The following ANOS1 variants were observed in gnomAD, a reference collection of about 807,000 sequenced individuals.
ANOS1 encodes the protein anosmin 1.
In ANOS1, 6 loss-of-function variants were observed where a neutral mutation model predicts 59.0. The ratio of observed to expected loss-of-function variants is 0.10; its 90% confidence interval spans 0.06 to 0.20. The LOEUF is 0.20. Ranked by LOEUF, ANOS1 falls within the 10% of genes least tolerant of loss-of-function variation. ANOS1 has a pLI of 1.00. For missense variants in ANOS1, 433 were observed against 542.3 expected, an observed-to-expected ratio of 0.80 and a Z score of 2.00; for synonymous variants, 217 against 223.4, an observed-to-expected ratio of 0.97 and a Z score of 0.25.
At chrX:8,660,704 A>G (rs16985091) in intron 2 of ANOS1, among the ~76,000 whole-genome samples, 4,769 of 112,006 alleles carry the variant, frequency 0.043, 269 homozygotes, top group African/African-American at 0.15. Context: ...ACTCTGCTTC[A>G]TGCTTCCTAT....
chrX:8,573,164 A>G (rs995394730), intron 6 of ANOS1, among the ~76,000 whole-genome samples: 2 of 107,768 alleles, frequency 1.9e-5, no homozygotes, highest in Non-Finnish European at 3.8e-5. Context: ...GCCTAGTTTA[A>G]GAGATTCTCC....
intron 2 of ANOS1, among the ~76,000 whole-genome samples, chrX:8,635,618 CTCTG>C (rs1931560683): frequency 1.8e-5 from 2 of 111,826 alleles, no homozygotes; most frequent in South Asian, 7.4e-4. Flanking sequence ...ACAGCCTTTT[CTCTG>C]GGAAAATAAA....
chrX:8,721,441 T>C (rs970063420), intron 1 of ANOS1, among the ~76,000 whole-genome samples: 6 of 112,014 alleles, frequency 5.4e-5, no homozygotes, highest in African/African-American at 1.9e-4. Flanking sequence ...ACAGAGTAGT[T>C]GTGATGGTCA....
rs752166176 is a variant in ANOS1 at position 8,597,170 on chromosome X, C to T, written c.405G>A (p.Pro135=). 1.4e-5 allele frequency: 17 copies of T among 1,209,767 alleles called. No homozygotes were observed. The highest frequency in any genetic ancestry group is 3.5e-5 in the African/African-American group (2 of 57,132). Residue 135 remains proline, a synonymous_variant, in exon 4 of 14, where the codon CCG becomes CCA. Coordinates refer to ENST00000262648, the MANE Select transcript of ANOS1 (RefSeq NM_000216.4). ...CAAATCCACTGGCTTTCTCAGGAGCCGGACAGTCCCCCTGCTTCACCAACA... is the reference window on the plus strand; with the variant it reads ...CAAATCCACTGGCTTTCTCAGGAGCTGGACAGTCCCCCTGCTTCACCAACA... The part of the protein sequence containing the change: ...YILLVKQGDC[P]APEKASGFAA...
At chrX:8,655,043 T>G in intron 2 of ANOS1, among the ~76,000 whole-genome samples, 1 of 109,870 alleles carries the variant, frequency 9.1e-6, no homozygotes, top group South Asian at 3.9e-4. Context: ...TGGAATATAT[T>G]TTTTTTTTCC....
intron 2 of ANOS1, among the ~76,000 whole-genome samples, chrX:8,664,087 G>A (rs1317347487): frequency 8.9e-6 from 1 of 111,887 alleles, no homozygotes; most frequent in Non-Finnish European, 1.9e-5. Context: ...AATAGCTAAT[G>A]CATAGGTGAT....
chrX:8,613,384 AT>A (rs777165693), intron 3 of ANOS1, among the ~76,000 whole-genome samples: 58 of 107,931 alleles, frequency 5.4e-4, no homozygotes, highest in Non-Finnish European at 8.8e-4. Context: ...TGTTTGGCTG[AT>A]TTTTTTTATT....
At chrX:8,619,589 C>G (rs561771035) in intron 3 of ANOS1, among the ~76,000 whole-genome samples, 2 of 111,127 alleles carry the variant, frequency 1.8e-5, no homozygotes, top group South Asian at 7.5e-4. Context: ...GGCAACAGAG[C>G]AAGACTCCGT....
At chrX:8,659,584 GCCTTCCTTCCTTCCTTCCTT>G (rs201790891) in intron 2 of ANOS1, among the ~76,000 whole-genome samples, 30 of 57,687 alleles carry the variant, frequency 5.2e-4, no homozygotes, top group African/African-American at 1.7e-3. Flanking sequence ...TTGCTTGCTT[GCCTTCCTTCCTTCCTTCCTT>G]CCTTCCTTCC....
rs1057182003 is a variant in ANOS1 at position 8,632,304 on chromosome X, T to G, written c.256-8634A>C. 2.7e-5 allele frequency among the ~76,000 whole-genome samples: 3 copies of G among 112,300 alleles called. No individual in the cohort carries two copies. The Admixed American group carries it at 2.8e-4, about 11-fold the overall frequency. ...TGATACATAAAACAGTGAAAAAATA[T>G]TTGCTCAGGTGGACTTTTTTCAAAT... On this transcript the variant is annotated intron_variant, in intron 2 of 13. Transcript: ENST00000262648.
intron 2 of ANOS1, among the ~76,000 whole-genome samples, chrX:8,669,998 G>A (rs943423386): frequency 8.9e-6 from 1 of 111,850 alleles, no homozygotes; most frequent in Non-Finnish European, 1.9e-5. Flanking sequence ...TTGCCCAATA[G>A]ATAAACGATG....
At chrX:8,619,536 A>G (rs970680441) in intron 3 of ANOS1, among the ~76,000 whole-genome samples, 2 of 111,693 alleles carry the variant, frequency 1.8e-5, no homozygotes, top group Non-Finnish European at 3.8e-5. Flanking sequence ...CCTGGGAGGC[A>G]GAGGTTGCAG....
At chrX:8,575,945 A>AAAAAAT (rs945754339) in intron 6 of ANOS1, among the ~76,000 whole-genome samples, 2 of 110,833 alleles carry the variant, frequency 1.8e-5, no homozygotes, top group African/African-American at 6.6e-5. Flanking sequence ...CTCTACAGAA[A>AAAAAAT]AAAAAATTTT....
intron 2 of ANOS1, among the ~76,000 whole-genome samples, chrX:8,699,300 C>A (rs1025496716): frequency 2.7e-5 from 3 of 111,615 alleles, no homozygotes; most frequent in African/African-American, 9.7e-5. Context: ...TACAAAGAAA[C>A]CAAAATACAT....
chrX:8,664,826 C>T (rs765607290), intron 2 of ANOS1, among the ~76,000 whole-genome samples: 3 of 111,825 alleles, frequency 2.7e-5, no homozygotes, highest in African/African-American at 9.7e-5. Flanking sequence ...TCTCTGCCTC[C>T]ATCACAGGCT....
intron 2 of ANOS1, among the ~76,000 whole-genome samples, chrX:8,657,641 G>GTAT (rs1931956168): frequency 9.1e-6 from 1 of 109,473 alleles, no homozygotes; most frequent in South Asian, 4.0e-4. Context: ...ACAGATTTTT[G>GTAT]TATTTTTAGT....
chrX:8,659,966 A>G (rs1195222598), intron 2 of ANOS1, among the ~76,000 whole-genome samples: 1 of 111,528 alleles, frequency 9.0e-6, no homozygotes, highest in East Asian at 2.8e-4. Context: ...AGCAAAAAAG[A>G]GAGTAGATGG....
Position 8,713,876 on chromosome X carries a change from G to A in ANOS1, c.208-14131C>T, listed in dbSNP as rs1932827248. ...GATCCACCTGCCTCGGCCTCCCAAA[G>A]TGCTGGGATTACAGGCATGAGCCAC... On this transcript the variant is annotated intron_variant, in intron 1 of 13. Coordinates refer to ENST00000262648, the MANE Select transcript of ANOS1 (RefSeq NM_000216.4). 5.4e-5 allele frequency among the ~76,000 whole-genome samples: 6 copies of A among 111,653 alleles called. No individual in the cohort carries two copies. In the South Asian group the frequency reaches 1.9e-3, roughly 35 times the overall value.
intron 2 of ANOS1, among the ~76,000 whole-genome samples, chrX:8,646,268 G>A (rs985051391): frequency 1.8e-5 from 2 of 110,012 alleles, no homozygotes; most frequent in African/African-American, 6.6e-5. Flanking sequence ...GCCTTGACCC[G>A]CCAGGCTCAA....
Sources: gnomAD v4.1 joint callset for allele counts (sites outside exome capture counted in the v4.1 genomes callset) on GRCh38, gnomAD v4.1.1 for gene constraint, MANE v1.5 for transcripts, NCBI Gene and HGNC (gene_info 2026-07-23, HGNC 2026-07-21) for gene names.